SACS: variants seen among roughly 807,000 people sequenced by gnomAD.
SACS encodes sacsin molecular chaperone.
In SACS, 197 loss-of-function variants were observed where a neutral mutation model predicts 348.0. The observed-to-expected ratio is 0.57, with a 90% CI of 0.50 to 0.64. The LOEUF is 0.64. SACS is among the 30% of genes least tolerant of loss of function. SACS has a pLI of 0.00. For synonymous variants in SACS, 1,985 were observed against 1,910.6 expected (o/e 1.04, Z -1.02); for missense variants, 4,999 against 5,360.8 (o/e 0.93, Z 2.11).
rs745768554 is a variant in SACS, at chr13:23,339,411, T to C, written c.4465A>G (p.Asn1489Asp). Residue 1489 changes from asparagine (N) to aspartate (D), a missense_variant, in exon 10 of 10, where the codon AAT (asparagine) becomes GAT (aspartate). Physicochemically the swap from Asn to Asp is conservative, Grantham distance 23. Around this residue, in one of 6 missense-constraint regions of SACS, gnomAD observed 3,156 missense variants for 3,380.1 expected, o/e 0.93. Transcript: ENST00000382292. ...KELLQNADDA[N>D]ATECSFLIDM... ...ATCAAGAAACTGCATTCTGTTGCAT[T>C]TGCATCATCAGCGTTTTGAAGTAGT... The C allele has an allele frequency of 4.3e-6, 7 of 1,610,152 alleles. No homozygotes were observed. The highest frequency in any genetic ancestry group is 1.1e-5 in the South Asian group (1 of 89,916).
At chr13:23,422,053 T>C (rs1276752203) in intron 1 of SACS, among the ~76,000 whole-genome samples, 1 of 152,190 alleles carries the variant, frequency 6.6e-6, no homozygotes, top group Non-Finnish European at 1.5e-5. Flanking sequence ...TCTAAGTATC[T>C]AAGTAACAAC....
chr13:23,334,544 T>A lies in SACS; in HGVS notation c.9332A>T (p.Asn3111Ile). 1 of 1,613,516 alleles carries A rather than the reference T, an allele frequency of 6.2e-7. No individual in the cohort carries two copies. Among genetic ancestry groups the A allele is most frequent in the South Asian group, 1.1e-5 (1 of 91,066 alleles). ...ACAAGGCAGCTTCCCAATATGGCAA[T>A]TAGTGTCAGGAGAGGAAAATGTCAT... Reference protein sequence around the residue: ...FLMTFSSPDTNCHIGKLPCRL... With the variant: ...FLMTFSSPDTICHIGKLPCRL... Residue 3111 changes from asparagine (N) to isoleucine (I), a missense_variant, in exon 10 of 10, where the codon AAT becomes ATT. Physicochemically the swap from Asn to Ile is moderately radical, Grantham distance 149. Transcript: ENST00000382292.
chr13:23,365,217 T>C lies in SACS; in HGVS notation c.406A>G (p.Thr136Ala). The C allele has an allele frequency of 6.2e-7, 1 of 1,612,898 alleles. No individual in the cohort carries two copies. Among genetic ancestry groups the C allele is most frequent in the Non-Finnish European group, 8.5e-7 (1 of 1,179,730 alleles). Residue 136 changes from threonine (T) to alanine (A), a missense_variant, in exon 6 of 10, where the codon ACT (threonine) becomes GCT (alanine). This residue lies in a region of SACS where 3,156 missense variants were observed against 3,380.1 expected (regional missense o/e 0.93). Transcript: ENST00000382292. Reference protein sequence around the residue: ...ATEVKFLYDETQYGTETLWSK... With the variant: ...ATEVKFLYDEAQYGTETLWSK... ...CAAAGAGTCTCTGTTCCGTATTGAG[T>C]TTCATCATATAAAAATTTAACTTCT... is the stretch of plus-strand genomic sequence containing the variant.
chr13:23,335,485 T>C lies in SACS; in HGVS notation c.8391A>G (p.Ile2797Met). ...TAGTATAGGTTATTTGTTGAACTGG[T>C]ATGTCTTTGAGCTGCCTCTTTTTAG... Reference protein sequence around the residue: ...SVTKKRQLKDIPVQQITYTMD... With the variant: ...SVTKKRQLKDMPVQQITYTMD... The change falls in exon 10 of 10, where the codon ATA becomes ATG. Residue 2797 changes from isoleucine to methionine, a missense_variant. Physicochemically the swap from Ile to Met is conservative, Grantham distance 10. Transcript: ENST00000382292. The surrounding 1 kb of genome is among the most constrained non-coding windows in gnomAD (Gnocchi z 4.7). 6.2e-7 allele frequency: 1 copy of C among 1,613,730 alleles called. No individual in the cohort carries two copies.
rs1883419699 is a variant in SACS at position 23,330,813 on chromosome 13, A to G, written c.13063T>C (p.Leu4355=). The G allele has an allele frequency of 6.2e-7, 1 of 1,614,090 alleles. No individual in the cohort carries two copies. The highest frequency in any genetic ancestry group is 1.7e-5 in the Admixed American group (1 of 60,018). ...TCTAATCTGTTGATTTCATTCTGCA[A>G]ATGTTTAAAAACTTCATTGGCAATG... ...HDIANEVFKH[L]QNEINRLEKQ... is the part of the protein sequence containing the mutation. The change falls in exon 10 of 10, where the codon TTG becomes CTG. Residue 4355 remains leucine, a synonymous_variant. Transcript: ENST00000382292.
At chr13:23,365,504 G>A (rs550444888) in intron 5 of SACS, among the ~76,000 whole-genome samples, 2 of 152,158 alleles carry the variant, frequency 1.3e-5, no homozygotes, top group South Asian at 4.1e-4. Flanking sequence ...CTTAAATTTT[G>A]TCTTTTAATT....
chr13:23,424,316 G>A (rs1210691786), intron 1 of SACS, among the ~76,000 whole-genome samples: 9 of 152,120 alleles, frequency 5.9e-5, no homozygotes, highest in Admixed American at 3.3e-4. Context: ...ACCTGAGGTC[G>A]GGAGTTCGAG....
At chr13:23,387,491 G>C (rs1179863989) in intron 2 of SACS, among the ~76,000 whole-genome samples, 2 of 144,494 alleles carry the variant, frequency 1.4e-5, no homozygotes, top group East Asian at 2.1e-4. Flanking sequence ...AAAAAAGTCT[G>C]TGAATGAAAT....
intron 9 of SACS, among the ~76,000 whole-genome samples, chr13:23,353,515 A>G (rs2137708235): frequency 6.6e-6 from 1 of 152,340 alleles, no homozygotes; most frequent in South Asian, 2.1e-4. Context: ...AAGCACTGGA[A>G]AACTGTAAAG....
At chr13:23,350,801 T>G (rs928473546) in intron 9 of SACS, among the ~76,000 whole-genome samples, 5 of 152,008 alleles carry the variant, frequency 3.3e-5, no homozygotes, top group African/African-American at 1.2e-4. Context: ...ACTCACTAAT[T>G]CCCCCAATAG....
chr13:23,402,277 G>A (rs1042707352), intron 2 of SACS, among the ~76,000 whole-genome samples: 2 of 151,948 alleles, frequency 1.3e-5, no homozygotes, highest in South Asian at 2.1e-4. Context: ...TTAATTACAC[G>A]GGACTGAATG....
At chr13:23,354,470 GCAGGGGAACCCTAAGAGTGAACAGGA>G (rs1870185797) in intron 8 of SACS, 23 bp downstream of exon 8, 1 of 1,510,684 alleles carries the variant, frequency 6.6e-7, no homozygotes, top group Admixed American at 1.7e-5. Flanking sequence ...GTGAGCAGGA[GCAGGGGAACCCTAAGAGTGAACAGGA>G]ATGTTAGAAG....
Position 23,339,537 on chromosome 13 carries a change from C to T in SACS, c.4339G>A (p.Glu1447Lys), listed in dbSNP as rs1446430569. Residue 1447 changes from glutamate (E) to lysine (K), a missense_variant, in exon 10 of 10, where the codon GAA becomes AAA. This residue lies in a region of SACS where 3,156 missense variants were observed against 3,380.1 expected (regional missense o/e 0.93). Coordinates refer to ENST00000382292, the MANE Select transcript of SACS (RefSeq NM_014363.6). ...PCLSTRLINP[E>K]NMGFEQSGQR... ...CCTGACTGCTCAAATCCCATGTTTT[C>T]AGGATTTATCAGTCTTGTACTAAGG... 6.2e-7 allele frequency: 1 copy of T among 1,613,128 alleles called. No homozygotes were observed.
At chr13:23,349,772 A>C (rs1157900998) in intron 9 of SACS, among the ~76,000 whole-genome samples, 2 of 152,214 alleles carry the variant, frequency 1.3e-5, no homozygotes, top group Non-Finnish European at 2.9e-5. Flanking sequence ...GTTACTGATG[A>C]GGAAACAGGG....
At chr13:23,383,472 T>C (rs1315692643) in intron 2 of SACS, among the ~76,000 whole-genome samples, 3 of 152,188 alleles carry the variant, frequency 2.0e-5, no homozygotes, top group African/African-American at 7.2e-5. Flanking sequence ...TGCATCGTAA[T>C]GTCCAAATGT....
At chr13:23,343,924 A>G (rs1273132027) in intron 9 of SACS, among the ~76,000 whole-genome samples, 1 of 152,194 alleles carries the variant, frequency 6.6e-6, no homozygotes, top group African/African-American at 2.4e-5. Flanking sequence ...ACACTTTTGC[A>G]ACTTTAGGAA....
rs754381972 is a variant in SACS, at chr13:23,337,019, T to C, written c.6857A>G (p.Lys2286Arg). The C allele has an allele frequency of 7.4e-6, 12 of 1,613,916 alleles. No individual in the cohort carries two copies. The highest frequency in any genetic ancestry group is 9.3e-6 in the Non-Finnish European group (11 of 1,179,926). Residue 2286 changes from lysine (K) to arginine (R), a missense_variant, in exon 10 of 10, where the codon AAG (lysine) becomes AGG (arginine). Coordinates refer to ENST00000382292, the MANE Select transcript of SACS (RefSeq NM_014363.6). ...LAVKEFLGLL[K>R]KPTVDLVINQ... Reference sequence around the variant, plus strand: ...TATAACCAGATCAACTGTTGGCTTCTTGAGTAATCCCAAAAACTCTTTAAC... The same window carrying C: ...TATAACCAGATCAACTGTTGGCTTCCTGAGTAATCCCAAAAACTCTTTAAC...
intron 2 of SACS, among the ~76,000 whole-genome samples, chr13:23,408,420 G>A (rs908565434): frequency 1.3e-5 from 2 of 152,242 alleles, no homozygotes; most frequent in African/African-American, 4.8e-5. Context: ...GATTCGTTAT[G>A]TTGCAACGTT....
rs1057516625 is a variant in SACS at position 23,355,421 on chromosome 13, ACT to A, written c.1189_1190del (p.Ser397CysfsTer8). 6 of 1,613,970 alleles carry A rather than the reference ACT, an allele frequency of 3.7e-6. No homozygotes were observed. The highest frequency in any genetic ancestry group is 1.3e-5 in the African/African-American group (1 of 74,878). On this transcript the variant is annotated frameshift_variant, in exon 8 of 10. Transcript: ENST00000382292. LOFTEE classifies it high-confidence loss of function. ...AQKTSWLVCN[S>X]VGGRGISSKL... The stretch of plus-strand genomic sequence containing the variant: ...TACTACTGATCCCTCGCCCACCCAC[ACT>A]GTTACACACCAACCAAGATGTTTTC...
Sources: gnomAD v4.1 joint callset for allele counts (sites outside exome capture counted in the v4.1 genomes callset) on GRCh38, gnomAD v4.1.1 for gene constraint, gnomAD v4.1.1 regional missense constraint, Gnocchi (gnomAD v3.1) non-coding constraint, MANE v1.5 for transcripts, NCBI Gene and HGNC (gene_info 2026-07-23, HGNC 2026-07-21) for gene names.